Variants in SYT1 observed in about 807,000 individuals in gnomAD.
SYT1 encodes the protein synaptotagmin-1.
SYT1 carries 8 observed loss-of-function variants against 44.8 expected under a neutral mutation model. The observed-to-expected ratio is 0.18, with a 90% confidence interval of 0.10 to 0.32. The LOEUF (loss-of-function observed/expected upper bound fraction) is 0.32, where lower values mean the gene tolerates loss of function less well. Ranked by LOEUF, SYT1 falls within the 10% of genes least tolerant of loss-of-function variation. SYT1 has a pLI of 1.00. For missense variants in SYT1, 286 were observed against 509.3 expected (o/e 0.56, Z 4.22); for synonymous variants, 154 against 188.8 (o/e 0.82, Z 1.51).
At chr12:78,946,425 C>A (rs974563227) in intron 1 of SYT1, among the ~76,000 whole-genome samples, 1 of 152,034 alleles carries the variant, frequency 6.6e-6, no homozygotes, top group African/African-American at 2.4e-5. Context: ...GATGCCTAGG[C>A]GGGTGGATCA....
intron 9 of SYT1, among the ~76,000 whole-genome samples, chr12:79,385,231 C>T (rs1884390026): frequency 6.6e-6 from 1 of 151,996 alleles, no homozygotes; most frequent in South Asian, 2.1e-4. Context: ...AAGTGATCTG[C>T]CAGCCTCGGC....
chr12:79,063,916 C>T (rs1875569552), intron 3 of SYT1, among the ~76,000 whole-genome samples: 1 of 152,148 alleles, frequency 6.6e-6, no homozygotes, highest in Non-Finnish European at 1.5e-5. Context: ...CCTAACTCCT[C>T]CTAGGCGAGA....
intron 3 of SYT1, among the ~76,000 whole-genome samples, chr12:79,098,288 G>A (rs1878262837): frequency 6.6e-6 from 1 of 151,958 alleles, no homozygotes; most frequent in African/African-American, 2.4e-5. Context: ...GGGAGAAAGT[G>A]GCCCCTAATA....
chr12:79,023,003 A>C (rs1159691236), intron 2 of SYT1, among the ~76,000 whole-genome samples: 1 of 151,712 alleles, frequency 6.6e-6, no homozygotes, highest in African/African-American at 2.4e-5. Context: ...ATCAGTAATT[A>C]TTGTTCTTTG....
chr12:79,160,804 A>G (rs979726817), intron 3 of SYT1, among the ~76,000 whole-genome samples: 9 of 152,134 alleles, frequency 5.9e-5, no homozygotes, highest in Non-Finnish European at 1.0e-4. Context: ...AAAGATTGCC[A>G]AGAGAAAAAA....
chr12:79,402,636 A>G (rs1027029322), intron 9 of SYT1, among the ~76,000 whole-genome samples: 3 of 152,214 alleles, frequency 2.0e-5, no homozygotes, highest in African/African-American at 7.2e-5. Context: ...GAGCAAGCTC[A>G]GTAAAGCTGA....
At chr12:79,219,323 G>A (rs1285644614) in intron 4 of SYT1, among the ~76,000 whole-genome samples, 3 of 151,824 alleles carry the variant, frequency 2.0e-5, no homozygotes, top group Non-Finnish European at 4.4e-5. Context: ...TTTGTTGATT[G>A]TTTCCTCTCC....
intron 4 of SYT1, 49 bp downstream of exon 4, chr12:79,217,734 A>C (rs762659271): frequency 4.6e-6 from 7 of 1,505,976 alleles, no homozygotes; most frequent in East Asian, 2.4e-5. Context: ...GTTGAAAAAT[A>C]CCCCATCCAT....
At chr12:79,256,310 G>A (rs908618721) in intron 4 of SYT1, among the ~76,000 whole-genome samples, 3 of 152,204 alleles carry the variant, frequency 2.0e-5, no homozygotes, top group African/African-American at 7.2e-5. Context: ...ATATTGCAAT[G>A]CAAACCCATT....
chr12:79,349,033 A>AAGAAAAAG (rs1367804411), intron 8 of SYT1, among the ~76,000 whole-genome samples: 32 of 120,282 alleles, frequency 2.7e-4, no homozygotes, highest in Admixed American at 8.4e-4. Flanking sequence ...GAAAGAAAGA[A>AAGAAAAAG]AAAGAAAGAA....
chr12:78,940,632 C>T (rs1183995457), intron 1 of SYT1, among the ~76,000 whole-genome samples: 2 of 152,104 alleles, frequency 1.3e-5, no homozygotes, highest in African/African-American at 2.4e-5. Flanking sequence ...CAAGCATCCT[C>T]CTGCCTCAGC....
At chr12:79,033,087 T>G (rs1872922975) in intron 2 of SYT1, among the ~76,000 whole-genome samples, 8 of 151,328 alleles carry the variant, frequency 5.3e-5, no homozygotes, top group Non-Finnish European at 1.5e-5. Flanking sequence ...TATGTTCTTT[T>G]GTCAGTAAAA....
intron 3 of SYT1, among the ~76,000 whole-genome samples, chr12:79,115,679 C>T (rs1164846068): frequency 2.6e-5 from 4 of 152,128 alleles, no homozygotes; most frequent in African/African-American, 7.2e-5. Flanking sequence ...ACAGCTTTCA[C>T]CACTGATATT....
At chr12:78,889,881 T>C (rs1399686671) in intron 1 of SYT1, among the ~76,000 whole-genome samples, 3 of 151,924 alleles carry the variant, frequency 2.0e-5, no homozygotes, top group African/African-American at 7.2e-5. Flanking sequence ...ATAAAGACAC[T>C]GGTCCATTTC....
intron 8 of SYT1, among the ~76,000 whole-genome samples, chr12:79,317,062 A>G (rs1038826227): frequency 6.6e-6 from 1 of 152,372 alleles, no homozygotes; most frequent in Admixed American, 6.5e-5. Flanking sequence ...ATGAATTCCT[A>G]AAATAAACAA....
chr12:79,044,326 CTTTT>C (rs1873833198), intron 2 of SYT1, among the ~76,000 whole-genome samples: 1 of 152,138 alleles, frequency 6.6e-6, no homozygotes, highest in African/African-American at 2.4e-5. Flanking sequence ...TTGCTCATTT[CTTTT>C]TATTCTTTTT....
intron 1 of SYT1, among the ~76,000 whole-genome samples, chr12:78,879,405 C>CA (rs1483102861): frequency 6.6e-6 from 1 of 151,750 alleles, no homozygotes; most frequent in African/African-American, 2.4e-5. Flanking sequence ...GGATTCCTGA[C>CA]ACGTAGTGCA....
At chr12:79,026,196 G>T (rs1565769323) in intron 2 of SYT1, among the ~76,000 whole-genome samples, 1 of 151,558 alleles carries the variant, frequency 6.6e-6, no homozygotes, top group South Asian at 2.1e-4. Context: ...TTATGCTTCT[G>T]TTCAAACATT....
chr12:79,282,784 C>CGTATACATTTTTAATAT (rs1327784463), intron 4 of SYT1, among the ~76,000 whole-genome samples: 2 of 151,800 alleles, frequency 1.3e-5, no homozygotes, highest in African/African-American at 4.9e-5. Flanking sequence ...ATAGTTTTTC[C>CGTATACATTTTTAATAT]TCTGTAAAAC....
Sources: allele counts gnomAD v4.1 joint callset (sites outside exome capture counted in the v4.1 genomes callset), GRCh38; gene constraint gnomAD v4.1.1; transcripts MANE v1.5; gene names NCBI Gene and HGNC (gene_info 2026-07-23, HGNC 2026-07-21).